Variants in NCALD observed in about 807,000 individuals in gnomAD.
NCALD encodes the protein neurocalcin delta, also known as neurocalcin-delta.
In NCALD, 10 loss-of-function variants were observed where a neutral mutation model predicts 18.6. The observed-to-expected ratio is 0.54, with a 90% CI of 0.33 to 0.91. NCALD has a LOEUF of 0.91. NCALD is among the 40% of genes least tolerant of loss of function. NCALD has a pLI of 0.03. For missense variants in NCALD, 184 were observed against 247.6 expected (o/e 0.74, Z 1.72); for synonymous variants, 88 against 87.4 (o/e 1.01, Z -0.04).
At chr8:101,721,405 A>G (rs1816350727) in intron 1 of NCALD, 1 of 152,472 alleles carries the variant, frequency 6.6e-6, no homozygotes, top group Middle Eastern at 3.2e-3. Flanking sequence ...GGCATGACTG[A>G]GAAAAATGAC....
chr8:102,070,794 A>G (rs1779918549), intron 1 of NCALD, among the ~76,000 whole-genome samples: 1 of 152,202 alleles, frequency 6.6e-6, no homozygotes, highest in African/African-American at 2.4e-5. Flanking sequence ...TCACAGTCCC[A>G]TGTGTCTTCA....
chr8:101,767,433 G>C (rs778718792), intron 1 of NCALD, among the ~76,000 whole-genome samples: 5 of 152,172 alleles, frequency 3.3e-5, no homozygotes, highest in Non-Finnish European at 5.9e-5. Context: ...TGACAATAAA[G>C]TAGACTATTG....
rs1216602855 is a variant in NCALD at position 101,688,237 on chromosome 8, T to A, written c.*1072A>T. 1.2e-5 allele frequency: 2 copies of A among 173,850 alleles called. No homozygotes were observed. The highest frequency in any genetic ancestry group is 3.1e-4 in the East Asian group (2 of 6,522). The allele number at this position is 173,850 out of a possible 1,614,324, so 10.8% of individuals were successfully genotyped here. A position where few individuals can be genotyped will look rare whatever the true frequency, so the allele number is the denominator to read the frequency against. Reference sequence around the variant, plus strand: ...CCCCTGTCATACATGTTAACATTCCTGTGCTCCAATTGTCCTGTCCCACTA... The same window carrying A: ...CCCCTGTCATACATGTTAACATTCCAGTGCTCCAATTGTCCTGTCCCACTA... On this transcript the variant is annotated 3_prime_UTR_variant, in exon 4 of 4. Transcript: ENST00000220931.
intron 4 of NCALD, among the ~76,000 whole-genome samples, chr8:101,878,096 A>G (rs562078625): frequency 4.1e-4 from 63 of 152,344 alleles, no homozygotes; most frequent in African/African-American, 1.4e-3. Flanking sequence ...TAAGTGGCCA[A>G]GGGTGGGAAA....
At chr8:101,705,078 T>G (rs1325575377) in intron 2 of NCALD, among the ~76,000 whole-genome samples, 2 of 150,842 alleles carry the variant, frequency 1.3e-5, no homozygotes, top group African/African-American at 4.9e-5. Flanking sequence ...AATACAAAAA[T>G]TAGCTGGGCA....
chr8:102,029,687 A>C (rs1229146807), intron 1 of NCALD, among the ~76,000 whole-genome samples: 1 of 152,212 alleles, frequency 6.6e-6, no homozygotes, highest in Admixed American at 6.5e-5. Context: ...GAACTATCCA[A>C]GCTAGAGGTG....
intron 4 of NCALD, among the ~76,000 whole-genome samples, chr8:101,820,177 C>T (rs13255004): frequency 0.79 from 120,795 of 152,152 alleles, 48,106 homozygotes; most frequent in African/African-American, 0.85. Flanking sequence ...TACTGACCTC[C>T]AGTGATTTTG....
chr8:102,093,343 G>A (rs887281057), intron 1 of NCALD, among the ~76,000 whole-genome samples: 1 of 152,100 alleles, frequency 6.6e-6, no homozygotes, highest in African/African-American at 2.4e-5. Context: ...TCATGAAGGG[G>A]GTTATCAAAT....
At chr8:101,828,036 T>C (rs1351086433) in intron 4 of NCALD, among the ~76,000 whole-genome samples, 2 of 152,194 alleles carry the variant, frequency 1.3e-5, no homozygotes, top group Non-Finnish European at 2.9e-5. Flanking sequence ...TAATGTAACA[T>C]AGCAATTGAG....
chr8:102,049,525 C>A lies in NCALD; in HGVS notation c.-209-29236G>T, dbSNP rs945263738. Among the ~76,000 whole-genome samples, 6 of 152,232 alleles carry A rather than the reference C, an allele frequency of 3.9e-5. No homozygotes were observed. The South Asian group carries it at 1.2e-3, about 32-fold the overall frequency. ...ATTCATGAGCAGGCTTTTTAATATG[C>A]TTCAGTTTTTGATTCATTTGGGCAA... On this transcript the variant is annotated intron_variant, in intron 1 of 6. Coordinates refer to the NCALD transcript ENST00000311028.
At chr8:101,914,075 T>C (rs994849758) in intron 3 of NCALD, among the ~76,000 whole-genome samples, 1 of 152,252 alleles carries the variant, frequency 6.6e-6, no homozygotes, top group Non-Finnish European at 1.5e-5. Flanking sequence ...CTCCATACTT[T>C]AATCAAACTT....
intron 1 of NCALD, among the ~76,000 whole-genome samples, chr8:101,748,301 C>T (rs1018370655): frequency 1.3e-5 from 2 of 152,138 alleles, no homozygotes; most frequent in Non-Finnish European, 2.9e-5. Context: ...AGTAAAAATT[C>T]AATGCACTAC....
chr8:102,090,931 A>G (rs1053219886), intron 1 of NCALD, among the ~76,000 whole-genome samples: 2 of 152,226 alleles, frequency 1.3e-5, no homozygotes, highest in Non-Finnish European at 2.9e-5. Context: ...ACATAGAGCC[A>G]TTAGAAGCCC....
intron 3 of NCALD, among the ~76,000 whole-genome samples, chr8:101,900,455 G>C (rs1297421901): frequency 6.6e-6 from 1 of 151,852 alleles, no homozygotes; most frequent in African/African-American, 2.4e-5. Flanking sequence ...TTATCAATTT[G>C]AGACTTTCCT....
intron 4 of NCALD, among the ~76,000 whole-genome samples, chr8:101,853,685 G>A (rs1185138138): frequency 6.6e-6 from 1 of 152,108 alleles, no homozygotes; most frequent in Non-Finnish European, 1.5e-5. Context: ...GCCGGGGTGG[G>A]GGAGTCCAGT....
intron 1 of NCALD, among the ~76,000 whole-genome samples, chr8:102,097,506 AT>A (rs1250167917): frequency 6.6e-6 from 1 of 152,110 alleles, no homozygotes; most frequent in East Asian, 1.9e-4. Context: ...ATCATAAGAT[AT>A]TTATTCCAGA....
intron 4 of NCALD, chr8:101,872,312 C>A (rs530967529): frequency 1.5e-6 from 2 of 1,377,178 alleles, no homozygotes; most frequent in East Asian, 2.3e-5. Context: ...TTCCCCTCAG[C>A]GAGTCTCTGC....
chr8:101,733,338 G>A (rs922611073), intron 1 of NCALD, among the ~76,000 whole-genome samples: 5 of 152,132 alleles, frequency 3.3e-5, no homozygotes, highest in Admixed American at 6.6e-5. Flanking sequence ...AATTGGACTT[G>A]GTAGCAGAAC....
At position 101,893,184 on chromosome 8, in the gene NCALD, C is replaced by A. The variant is rs540402328; in HGVS notation, c.-106-5957G>T. On this transcript the variant is annotated intron_variant, in intron 3 of 6. Coordinates refer to the NCALD transcript ENST00000311028. ...GATCTCTCAGCAGAAACCCTACAAG[C>A]CAGAAGAGAGTGGGGGCCAATATTC... Among the ~76,000 whole-genome samples, 5 of 151,914 alleles carry A rather than the reference C, an allele frequency of 3.3e-5. No individual in the cohort carries two copies. The South Asian group carries it at 1.0e-3, about 32-fold the overall frequency.
Sources: gnomAD v4.1 joint callset for allele counts (sites outside exome capture counted in the v4.1 genomes callset) on GRCh38, gnomAD v4.1.1 for gene constraint, MANE v1.5 for transcripts, NCBI Gene and HGNC (gene_info 2026-07-23, HGNC 2026-07-21) for gene names.